The following HDAC2 variants were observed in gnomAD, a reference collection of about 807,000 sequenced individuals.
HDAC2 encodes the protein YY1-associated factor 1.
HDAC2 carries 5 observed loss-of-function variants against 68.5 expected under a neutral mutation model. That is an observed-to-expected ratio of 0.07 (90% CI 0.04 to 0.15). The LOEUF (loss-of-function observed/expected upper bound fraction) is 0.15. Ranked by LOEUF, HDAC2 falls within the 10% of genes least tolerant of loss-of-function variation. HDAC2 has a pLI of 1.00. For missense variants in HDAC2, 291 were observed against 600.8 expected, an observed-to-expected ratio of 0.48 and a Z score of 5.39; for synonymous variants, 182 against 191.3, an observed-to-expected ratio of 0.95 and a Z score of 0.40.
At chr6:113,961,987 C>A (rs906648405) in intron 1 of HDAC2, among the ~76,000 whole-genome samples, 2 of 151,764 alleles carry the variant, frequency 1.3e-5, no homozygotes, top group Non-Finnish European at 2.9e-5. Context: ...ATCATAACAT[C>A]AAATACTCTA....
At chr6:113,948,902 T>C (rs910897974) in intron 8 of HDAC2, 77 bp downstream of exon 8, 2 of 1,522,032 alleles carry the variant, frequency 1.3e-6, no homozygotes, top group Non-Finnish European at 1.8e-6. Flanking sequence ...GAAACTACAA[T>C]GAGAACTTTT....
Position 113,945,962 on chromosome 6 carries a change from G to A in HDAC2, c.982+46C>T, listed in dbSNP as rs190255023. The A allele has an allele frequency of 7.5e-6, 11 of 1,457,508 alleles. No individual in the cohort carries two copies. The Admixed American group carries it at 1.9e-4, about 25-fold the overall frequency. The allele number at this position is 1,457,508 out of a possible 1,614,324, so 90.3% of individuals were successfully genotyped here. A position where few individuals can be genotyped will look rare whatever the true frequency, so the allele number is the denominator to read the frequency against. On this transcript the variant is annotated intron_variant, in intron 9 of 13. Transcript: ENST00000519065. ...TTGCAACATAATTAGAGGAGCATCT[G>A]TATTGACAGTTCATACAATAAAGAT...
intron 6 of HDAC2, among the ~76,000 whole-genome samples, chr6:113,952,624 T>C (rs566934247): frequency 6.6e-6 from 1 of 152,296 alleles, no homozygotes; most frequent in African/African-American, 2.4e-5. Context: ...GACATTTGTA[T>C]AGTTAGGTTC....
rs778789541 is a variant in HDAC2, at chr6:113,956,051, G to A, written c.459C>T (p.Tyr153=). 19 of 1,610,666 alleles carry A rather than the reference G, an allele frequency of 1.2e-5. No homozygotes were observed. Among genetic ancestry groups the A allele is most frequent in the Admixed American group, 1.7e-5 (1 of 59,634 alleles). Residue 153 remains tyrosine, a synonymous_variant, in exon 5 of 14, where the codon TAC becomes TAT. Transcript: ENST00000519065. ...AKKSEASGFC[Y]VNDIVLAILE... ...GGATGGCAAGCACAATATCATTAAC[G>A]TAACAGAATCCTGATGCTTCTGATT...
intron 9 of HDAC2, 81 bp from the exon 10 acceptor site, chr6:113,945,551 G>T (rs1776247340): frequency 5.3e-6 from 4 of 751,212 alleles, no homozygotes; most frequent in Admixed American, 2.2e-5. Flanking sequence ...AGATTTAGGT[G>T]GTGAAATATT....
chr6:113,969,424 G>C (rs1009933093), intron 1 of HDAC2, among the ~76,000 whole-genome samples: 1 of 152,326 alleles, frequency 6.6e-6, no homozygotes, highest in Non-Finnish European at 1.5e-5. Flanking sequence ...AGTTAAAGTA[G>C]ATTTATTCTG....
At position 113,970,956 on chromosome 6, in the gene HDAC2, T is replaced by TGCTGCTGCTGCTGCC. The variant is rs1426111960; in HGVS notation, c.-63_-49dup. On this transcript the variant is annotated 5_prime_UTR_variant, in exon 1 of 14. Coordinates refer to ENST00000519065, the MANE Select transcript of HDAC2 (RefSeq NM_001527.4). The stretch of plus-strand genomic sequence containing the variant: ...ACCGGGCTCCTCCTCCTGCTGCTGC[T>TGCTGCTGCTGCTGCC]GCTGCTGCTGCTGCCGCCGCGGCTC... The TGCTGCTGCTGCTGCC allele has an allele frequency of 9.6e-6, 15 of 1,560,622 alleles. No homozygotes were observed. The highest frequency in any genetic ancestry group is 1.2e-5 in the Non-Finnish European group (14 of 1,152,276).
At chr6:113,959,437 G>C (rs960340875) in intron 2 of HDAC2, among the ~76,000 whole-genome samples, 7 of 151,782 alleles carry the variant, frequency 4.6e-5, no homozygotes, top group Non-Finnish European at 1.0e-4. Context: ...GGCAGCTGTT[G>C]CACTTGTGTT....
intron 13 of HDAC2, 125 bp from the exon 14 acceptor site, chr6:113,941,213 G>A: frequency 1.6e-6 from 1 of 620,324 alleles, no homozygotes; most frequent in South Asian, 2.6e-5. Context: ...AATGTCTTAA[G>A]TGTTTCTGGA....
chr6:113,955,824 TTAA>T (rs776444169), intron 5 of HDAC2, 186 bp downstream of exon 5: 3 of 527,352 alleles, frequency 5.7e-6, no homozygotes, highest in South Asian at 3.0e-5. Flanking sequence ...CTTCTAAGTC[TTAA>T]TAATTGAAGA....
At chr6:113,942,093 C>A (rs1038067000) in intron 12 of HDAC2, among the ~76,000 whole-genome samples, 5 of 151,870 alleles carry the variant, frequency 3.3e-5, no homozygotes, top group Non-Finnish European at 7.4e-5. Flanking sequence ...ATCGAAAGAG[C>A]CTCATCACCA....
intron 6 of HDAC2, among the ~76,000 whole-genome samples, chr6:113,950,538 G>A (rs1176627659): frequency 1.3e-5 from 2 of 151,462 alleles, no homozygotes; most frequent in African/African-American, 2.4e-5. Context: ...GACTACAGGT[G>A]CACGCCACCA....
intron 1 of HDAC2, among the ~76,000 whole-genome samples, chr6:113,967,616 AAAAACAAGC>A (rs764510991): frequency 6.4e-4 from 97 of 152,340 alleles, no homozygotes; most frequent in Non-Finnish European, 1.2e-3. Flanking sequence ...TATACACCAT[AAAAACAAGC>A]ACTAAATATG....
intron 1 of HDAC2, chr6:113,970,380 G>A: frequency 1.1e-6 from 1 of 873,714 alleles, no homozygotes; most frequent in Non-Finnish European, 1.4e-6. Flanking sequence ...CGGAGCTCTC[G>A]CGGCCGCGGG....
intron 8 of HDAC2, chr6:113,946,375 G>T: frequency 2.9e-6 from 1 of 345,214 alleles, no homozygotes; most frequent in Non-Finnish European, 5.2e-6. Flanking sequence ...ATTTTAGCAG[G>T]TGTCCCTGAT....
Position 113,939,585 on chromosome 6 carries a change from AGATT to A in HDAC2, c.*1469_*1472del, listed in dbSNP as rs1446529910. Reference sequence around the variant, plus strand: ...AGTTCCTAATGTCATAAAGGTTTACAGATTGATAACAAATATGTAGCAAAAGTAC... The same window carrying A: ...AGTTCCTAATGTCATAAAGGTTTACAGATAACAAATATGTAGCAAAAGTAC... On this transcript the variant is annotated 3_prime_UTR_variant, in exon 14 of 14. Transcript: ENST00000519065. 4 of 152,254 alleles carry A rather than the reference AGATT, an allele frequency of 2.6e-5. No individual in the cohort carries two copies. The highest frequency in any genetic ancestry group is 2.0e-4 in the Admixed American group (3 of 15,288). 9.4% of individuals were successfully genotyped at this position (152,254 alleles called of 1,614,324 possible).
chr6:113,966,579 G>A (rs1776825895), intron 1 of HDAC2, among the ~76,000 whole-genome samples: 1 of 149,326 alleles, frequency 6.7e-6, no homozygotes, highest in African/African-American at 2.5e-5. Context: ...AAAGTATAAG[G>A]AATTAATAAT....
intron 8 of HDAC2, 127 bp downstream of exon 8, chr6:113,948,852 C>T: frequency 8.6e-6 from 8 of 931,742 alleles, no homozygotes; most frequent in Non-Finnish European, 1.3e-5. Context: ...AGACAAAACC[C>T]CATGAAAAAT....
rs774530076 is a variant in HDAC2, at chr6:113,935,119, A to G, written c.*5939T>C. On this transcript the variant is annotated 3_prime_UTR_variant, in exon 14 of 14. Transcript: ENST00000519065. ...ATTATCTACCACAGGGCCACACAAC[A>G]GTGCCCTCTTAAGCCCCTTAATTTC... The G allele has an allele frequency of 5.9e-5, 9 of 152,204 alleles. No homozygotes were observed. Among genetic ancestry groups the G allele is most frequent in the Non-Finnish European group, 1.0e-4 (7 of 68,040 alleles). The allele number at this position is 152,204 out of a possible 1,614,324, so 9.4% of individuals were successfully genotyped here. A position where few individuals can be genotyped will look rare whatever the true frequency, so the allele number is the denominator to read the frequency against.
Sources: allele counts gnomAD v4.1 joint callset (sites outside exome capture counted in the v4.1 genomes callset), GRCh38; gene constraint gnomAD v4.1.1; transcripts MANE v1.5; gene names NCBI Gene and HGNC (gene_info 2026-07-23, HGNC 2026-07-21).